The following NRG1 variants were observed in gnomAD, a reference collection of about 807,000 sequenced individuals.
The protein encoded by NRG1 is pro-neuregulin-1, membrane-bound isoform.
Under a neutral mutation model 63.8 loss-of-function variants are expected in NRG1, and 18 were observed. The observed-to-expected ratio is 0.28, with a 90% CI of 0.19 to 0.42. NRG1 has a LOEUF of 0.42. Ranked by LOEUF, NRG1 falls within the 10% of genes least tolerant of loss-of-function variation. NRG1 has a pLI of 1.00. For synonymous variants in NRG1, 302 were observed against 301.3 expected (o/e 1.00, Z -0.02); for missense variants, 762 against 814.7 (o/e 0.94, Z 0.79).
intron 1 of NRG1, among the ~76,000 whole-genome samples, chr8:32,482,376 G>A (rs767250207): frequency 3.7e-5 from 5 of 135,614 alleles, no homozygotes; most frequent in South Asian, 2.3e-4. Context: ...AAATTTGGGG[G>A]TTGTTTTCTT....
chr8:32,745,453 T>G (rs1827240859), intron 7 of NRG1, among the ~76,000 whole-genome samples: 1 of 152,162 alleles, frequency 6.6e-6, no homozygotes, highest in Non-Finnish European at 1.5e-5. Flanking sequence ...GGTCAGAATG[T>G]CCAATGAGCC....
At chr8:32,751,252 A>C (rs1321675589) in intron 7 of NRG1, 1 of 152,250 alleles carries the variant, frequency 6.6e-6, no homozygotes, top group East Asian at 1.9e-4. Context: ...TTAAAGGTCA[A>C]GTACAACTCA....
intron 1 of NRG1, among the ~76,000 whole-genome samples, chr8:32,195,875 G>A (rs974031124): frequency 6.6e-5 from 10 of 152,278 alleles, no homozygotes; most frequent in Non-Finnish European, 1.3e-4. Context: ...TGCCAGTTAA[G>A]GAAGTGGGTT....
intron 1 of NRG1, among the ~76,000 whole-genome samples, chr8:32,308,351 C>T (rs564801487): frequency 6.6e-6 from 1 of 152,268 alleles, no homozygotes; most frequent in South Asian, 2.1e-4. Context: ...TTTCATATAT[C>T]TGAATTTACT....
At chr8:32,389,764 T>C (rs373993024) in intron 1 of NRG1, among the ~76,000 whole-genome samples, 1,938 of 147,458 alleles carry the variant, frequency 0.013, 40 homozygotes, top group African/African-American at 0.042. Flanking sequence ...TCTTTCTTTT[T>C]TTTTTTTTTT....
chr8:31,699,127 A>T (rs965882848), intron 1 of NRG1, among the ~76,000 whole-genome samples: 1 of 152,216 alleles, frequency 6.6e-6, no homozygotes, highest in African/African-American at 2.4e-5. Context: ...GTATATTTGC[A>T]AGCAGTTCTT....
intron 1 of NRG1, among the ~76,000 whole-genome samples, chr8:31,760,292 T>C (rs1351813180): frequency 6.6e-6 from 1 of 152,174 alleles, no homozygotes; most frequent in Non-Finnish European, 1.5e-5. Context: ...CCCAGCACCA[T>C]TTGTTAAATA....
At chr8:32,218,516 C>T (rs942301300) in intron 1 of NRG1, among the ~76,000 whole-genome samples, 2 of 152,162 alleles carry the variant, frequency 1.3e-5, no homozygotes, top group African/African-American at 4.8e-5. Flanking sequence ...CCTTTTAACA[C>T]GACCAAGAGT....
At chr8:31,867,132 T>C (rs1383893) in intron 1 of NRG1, among the ~76,000 whole-genome samples, 108,693 of 151,986 alleles carry the variant, frequency 0.72, 39,620 homozygotes, top group East Asian at 0.92. Context: ...ACAGAGAACA[T>C]GGTCACTTAA....
chr8:32,493,883 C>A (rs377711569), intron 1 of NRG1, among the ~76,000 whole-genome samples: 1 of 152,162 alleles, frequency 6.6e-6, no homozygotes, highest in East Asian at 1.9e-4. Flanking sequence ...CCTTCTAACC[C>A]TGAAATTCTA....
At chr8:31,801,738 A>G (rs1463225631) in intron 1 of NRG1, among the ~76,000 whole-genome samples, 3 of 152,248 alleles carry the variant, frequency 2.0e-5, no homozygotes, top group African/African-American at 4.8e-5. Context: ...TGATTTATTC[A>G]AAGAAATATT....
chr8:32,069,870 G>C (rs1334653759), intron 1 of NRG1, among the ~76,000 whole-genome samples: 1 of 152,168 alleles, frequency 6.6e-6, no homozygotes, highest in Non-Finnish European at 1.5e-5. Context: ...TGAGCCTTCT[G>C]TGATGCCTTC....
chr8:32,603,157 A>G (rs1419910389), intron 2 of NRG1, among the ~76,000 whole-genome samples: 1 of 152,164 alleles, frequency 6.6e-6, no homozygotes, highest in Non-Finnish European at 1.5e-5. Flanking sequence ...CTAGATAGAT[A>G]AGGCTGTTAA....
At position 31,915,570 on chromosome 8, in the gene NRG1, C is replaced by T. The variant is rs151271203; in HGVS notation, c.37+276139C>T. 7.2e-5 allele frequency among the ~76,000 whole-genome samples: 11 copies of T among 152,156 alleles called. No homozygotes were observed. The East Asian group carries it at 1.5e-3, about 21-fold the overall frequency. ...GCCCTAAATATTAATAGCTGTGAAC[C>T]AGTTTAGTTTAATTTGGATATTTCC... On this transcript the variant is annotated intron_variant, in intron 1 of 10. Transcript: ENST00000519301.
chr8:32,483,682 T>A (rs1825569126), intron 1 of NRG1, among the ~76,000 whole-genome samples: 1 of 152,172 alleles, frequency 6.6e-6, no homozygotes, highest in Non-Finnish European at 1.5e-5. Context: ...TGAGCATAGG[T>A]GAGCTGTCAT....
intron 1 of NRG1, among the ~76,000 whole-genome samples, chr8:32,075,134 T>C (rs1826304611): frequency 6.6e-6 from 1 of 152,238 alleles, no homozygotes; most frequent in Admixed American, 6.5e-5. Context: ...GTAAGCTCCA[T>C]GTAAATGTTA....
rs367543160 is a variant in NRG1, at chr8:32,595,867, C to T, written c.140C>T (p.Ser47Leu). ...TTGAAAGAGATGAAAAGCCAGGAAT[C>T]GGCTGCAGGTTCCAAACTAGTCCTT... Residue 47 changes from serine (S) to leucine (L), a missense_variant, in exon 2 of 12, where the codon TCG becomes TTG. By Grantham distance (145) the Ser-to-Leu change is moderately radical. This residue lies in a region of NRG1 where 137 missense variants were observed against 117.7 expected (regional missense o/e 1.16). Coordinates refer to ENST00000356819, the Ensembl canonical transcript of NRG1. 32 of 1,610,956 alleles carry T rather than the reference C, an allele frequency of 2.0e-5. No homozygotes were observed. Among genetic ancestry groups the T allele is most frequent in the Admixed American group, 1.5e-4 (9 of 59,762 alleles).
chr8:32,638,011 A>C (rs369067487), intron 5 of NRG1, among the ~76,000 whole-genome samples: 1 of 152,340 alleles, frequency 6.6e-6, no homozygotes, highest in Non-Finnish European at 1.5e-5. Context: ...GGCGAGAGAA[A>C]GTCTAAACTA....
chr8:32,708,609 CT>C (rs1272604943), intron 5 of NRG1, among the ~76,000 whole-genome samples: 1 of 152,146 alleles, frequency 6.6e-6, no homozygotes, highest in Non-Finnish European at 1.5e-5. Context: ...CCTAATCTGT[CT>C]GAGATATTGT....
Sources: gnomAD v4.1 joint callset for allele counts (sites outside exome capture counted in the v4.1 genomes callset) on GRCh38, gnomAD v4.1.1 for gene constraint, gnomAD v4.1.1 regional missense constraint, MANE v1.5 for transcripts, NCBI Gene and HGNC (gene_info 2026-07-23, HGNC 2026-07-21) for gene names.